Variants in DMD observed in about 807,000 individuals in gnomAD.
The protein encoded by DMD is mutant dystrophin.
A neutral mutation model predicts 330.1 loss-of-function variants in DMD; 63 were observed. The observed-to-expected ratio is 0.19, with a 90% CI of 0.16 to 0.24. DMD has a LOEUF of 0.24. Among genes scored for constraint, DMD ranks in the 10% least tolerant of loss-of-function variants. DMD has a pLI of 1.00. For synonymous variants in DMD, 1,223 were observed against 959.8 expected, an observed-to-expected ratio of 1.27 and a Z score of -5.07; for missense variants, 3,344 against 2,684.1, an observed-to-expected ratio of 1.25 and a Z score of -5.43.
chrX:32,368,964 C>T (rs1423036500), intron 34 of DMD, among the ~76,000 whole-genome samples: 2 of 111,506 alleles, frequency 1.8e-5, no homozygotes, highest in East Asian at 5.6e-4. Flanking sequence ...ATTGTGTACA[C>T]TCAGTTTTAA....
At chrX:32,452,048 AAG>A (rs2098331806) in intron 26 of DMD, among the ~76,000 whole-genome samples, 1 of 109,533 alleles carries the variant, frequency 9.1e-6, no homozygotes, top group African/African-American at 3.3e-5. Context: ...ACAGGAAAAT[AAG>A]AGAGATCTGA....
At chrX:32,089,620 A>T (rs2096462652) in intron 44 of DMD, among the ~76,000 whole-genome samples, 1 of 111,794 alleles carries the variant, frequency 8.9e-6, no homozygotes, top group African/African-American at 3.3e-5. Flanking sequence ...ACATGATCTC[A>T]TTCTTTTTCA....
intron 44 of DMD, among the ~76,000 whole-genome samples, chrX:32,202,871 T>A (rs2097047260): frequency 8.9e-6 from 1 of 112,064 alleles, no homozygotes; most frequent in Non-Finnish European, 1.9e-5. Flanking sequence ...AAACCGTAAT[T>A]ATAATGTAAA....
chrX:32,584,435 T>C (rs1001116199), intron 13 of DMD, among the ~76,000 whole-genome samples: 1 of 112,028 alleles, frequency 8.9e-6, no homozygotes, highest in Non-Finnish European at 1.9e-5. Flanking sequence ...AAATACCTAA[T>C]ACAAAAGTTT....
At chrX:31,770,947 A>T (rs2090304418) in intron 51 of DMD, among the ~76,000 whole-genome samples, 1 of 111,873 alleles carries the variant, frequency 8.9e-6, no homozygotes, top group East Asian at 2.8e-4. Context: ...GTACAACTTT[A>T]TGTTTCCCAG....
chrX:32,130,870 T>G (rs1329394597), intron 44 of DMD, among the ~76,000 whole-genome samples: 1 of 112,031 alleles, frequency 8.9e-6, no homozygotes, highest in Admixed American at 9.5e-5. Flanking sequence ...GTATAAGACA[T>G]ATTGATATTT....
At chrX:31,552,419 C>T (rs745675033) in intron 55 of DMD, among the ~76,000 whole-genome samples, 11 of 111,739 alleles carry the variant, frequency 9.8e-5, no homozygotes, top group Admixed American at 3.8e-4. Context: ...GAGATCCTCC[C>T]GCCTCAGCCT....
At chrX:32,670,237 A>C (rs2061550756) in intron 9 of DMD, among the ~76,000 whole-genome samples, 1 of 112,109 alleles carries the variant, frequency 8.9e-6, no homozygotes, top group Middle Eastern at 4.2e-3. Flanking sequence ...ACCTGAGGAC[A>C]AGTCAAGTAA....
chrX:32,125,489 C>T lies in DMD; in HGVS notation c.6438+91427G>A, dbSNP rs1394963197. Among the ~76,000 whole-genome samples the T allele has an allele frequency of 8.1e-5, 9 of 111,501 alleles. 1 individual carries two copies. The highest frequency in any genetic ancestry group is 1.5e-4 in the Non-Finnish European group (8 of 53,103). ...TGTTGAGTCTGAGTTGCCTCTGATACATTTAAGTGGAGATGTCAATTAGGC... is the reference window on the plus strand; with the variant it reads ...TGTTGAGTCTGAGTTGCCTCTGATATATTTAAGTGGAGATGTCAATTAGGC... On this transcript the variant is annotated intron_variant, in intron 44 of 78. Transcript: ENST00000357033.
intron 11 of DMD, among the ~76,000 whole-genome samples, chrX:32,633,381 G>C (rs1602353258): frequency 1.8e-5 from 2 of 111,919 alleles, no homozygotes; most frequent in African/African-American, 3.2e-5. Context: ...CTTTCCATCT[G>C]AGACCTCGAC....
chrX:31,829,191 C>T (rs948992780), intron 49 of DMD, among the ~76,000 whole-genome samples: 18 of 111,059 alleles, frequency 1.6e-4, no homozygotes, highest in African/African-American at 4.9e-4. Flanking sequence ...CAAAGACATA[C>T]GGAGTGATAC....
At chrX:31,597,019 A>T (rs906514739) in intron 55 of DMD, among the ~76,000 whole-genome samples, 20 of 112,785 alleles carry the variant, frequency 1.8e-4, no homozygotes, top group African/African-American at 6.4e-4. Context: ...TTGCCTCAAG[A>T]ACTTTAGTTT....
intron 7 of DMD, among the ~76,000 whole-genome samples, chrX:32,807,149 A>AC (rs2077018005): frequency 1.0e-5 from 1 of 98,614 alleles, no homozygotes; most frequent in Admixed American, 1.1e-4. Flanking sequence ...AAAAAAAAAA[A>AC]CATCAACAAA....
intron 18 of DMD, among the ~76,000 whole-genome samples, chrX:32,514,971 G>A (rs891036739): frequency 1.8e-5 from 2 of 111,899 alleles, no homozygotes; most frequent in Non-Finnish European, 3.8e-5. Flanking sequence ...TGATAAAATG[G>A]TAGATAAGAG....
intron 44 of DMD, among the ~76,000 whole-genome samples, chrX:32,018,667 A>G (rs1035069695): frequency 9.0e-6 from 1 of 111,485 alleles, no homozygotes; most frequent in Non-Finnish European, 1.9e-5. Context: ...ATTTCGGCAT[A>G]TATAGTTCCA....
chrX:32,844,107 C>A (rs982177192), intron 4 of DMD, among the ~76,000 whole-genome samples: 8 of 111,226 alleles, frequency 7.2e-5, no homozygotes, highest in Non-Finnish European at 1.3e-4. Context: ...AAAACACTGC[C>A]GTAAGAAACA....
chrX:32,268,740 G>C (rs1322819675), intron 43 of DMD, among the ~76,000 whole-genome samples: 1 of 111,739 alleles, frequency 8.9e-6, no homozygotes, highest in Non-Finnish European at 1.9e-5. Context: ...CTACATAGAG[G>C]TAAGGAAAAG....
chrX:32,343,507 A>G (rs776460728), intron 39 of DMD, among the ~76,000 whole-genome samples: 2 of 111,893 alleles, frequency 1.8e-5, no homozygotes, highest in East Asian at 2.8e-4. Flanking sequence ...CACTTAAAGT[A>G]TTTTCTCTTA....
At chrX:32,307,751 A>T (rs1254948002) in intron 42 of DMD, among the ~76,000 whole-genome samples, 1 of 111,649 alleles carries the variant, frequency 9.0e-6, no homozygotes, top group Non-Finnish European at 1.9e-5. Flanking sequence ...TCATGCTTTC[A>T]TATGAGATAC....
Sources: allele counts gnomAD v4.1 joint callset (sites outside exome capture counted in the v4.1 genomes callset), GRCh38; gene constraint gnomAD v4.1.1; transcripts MANE v1.5; gene names NCBI Gene and HGNC (gene_info 2026-07-23, HGNC 2026-07-21).